The following FAM76A variants were observed in gnomAD, a reference collection of about 807,000 sequenced individuals.
The protein encoded by FAM76A is family with sequence similarity 76 member A.
Under a neutral mutation model 46.2 loss-of-function variants are expected in FAM76A, and 32 were observed. The ratio of observed to expected loss-of-function variants is 0.69; its 90% CI spans 0.52 to 0.93. The LOEUF (loss-of-function observed/expected upper bound fraction) is 0.93, where lower values mean the gene tolerates loss of function less well. FAM76A is among the 40% of genes least tolerant of loss of function. FAM76A has a pLI of 0.00. For missense variants in FAM76A, 274 were observed against 361.5 expected (o/e 0.76, Z 1.96); for synonymous variants, 137 against 127.0 (o/e 1.08, Z -0.53).
intron 4 of FAM76A, among the ~76,000 whole-genome samples, chr1:27,738,740 CAT>C (rs948181125): frequency 6.6e-6 from 1 of 152,060 alleles, no homozygotes; most frequent in Non-Finnish European, 1.5e-5. Context: ...AATAAATTAA[CAT>C]AAATTTTAGA....
chr1:27,727,596 T>A, intron 2 of FAM76A, 60 bp downstream of exon 2: 1 of 1,256,394 alleles, frequency 8.0e-7, no homozygotes, highest in South Asian at 1.2e-5. Context: ...AAATCTGTAA[T>A]TGATTGCATT....
intron 2 of FAM76A, chr1:27,730,250 G>A (rs554864332): frequency 1.5e-4 from 29 of 198,452 alleles, no homozygotes; most frequent in Admixed American, 6.6e-4. Context: ...GCAATGGCAC[G>A]ATCTCGGCTC....
At chr1:27,758,165 C>T (rs1260925933) in intron 7 of FAM76A, among the ~76,000 whole-genome samples, 1 of 152,168 alleles carries the variant, frequency 6.6e-6, no homozygotes, top group East Asian at 1.9e-4. Flanking sequence ...TACTTGCATT[C>T]ATCTAATTTC....
chr1:27,748,275 G>A (rs756612126), intron 5 of FAM76A, among the ~76,000 whole-genome samples: 5 of 151,166 alleles, frequency 3.3e-5, no homozygotes, highest in South Asian at 2.1e-4. Context: ...ACAGGTGCCC[G>A]CTACCACACC....
intron 7 of FAM76A, among the ~76,000 whole-genome samples, chr1:27,758,580 T>G (rs905990065): frequency 1.1e-4 from 17 of 152,030 alleles, no homozygotes; most frequent in African/African-American, 4.1e-4. Flanking sequence ...CAGCTCACTG[T>G]AAACTCAACC....
At chr1:27,747,752 C>T (rs771089563) in intron 5 of FAM76A, among the ~76,000 whole-genome samples, 2 of 151,796 alleles carry the variant, frequency 1.3e-5, no homozygotes, top group Non-Finnish European at 2.9e-5. Context: ...CCCGTCTCTA[C>T]CAAAAAATAC....
intron 6 of FAM76A, among the ~76,000 whole-genome samples, chr1:27,751,593 C>T (rs1202973125): frequency 6.6e-6 from 1 of 151,700 alleles, no homozygotes; most frequent in African/African-American, 2.4e-5. Context: ...CAGCCTCGAC[C>T]TCCTGGGCTC....
In FAM76A at chr1:27,749,148, GA is replaced by G; in HGVS notation, c.594del (p.Asp199ThrfsTer23). On this transcript the variant is annotated frameshift_variant, in exon 6 of 9. Transcript: ENST00000373954. LOFTEE classifies it high-confidence loss of function. ...KSKFESITTN[G>X]DSFSPDLALD... ...AAGTTTGAGTCAATCACAACTAATG[GA>G]GACAGGTGAGCCAGTTGGAGTATGT... 1 of 1,598,124 alleles carries G rather than the reference GA, an allele frequency of 6.3e-7. No individual in the cohort carries two copies. The highest frequency in any genetic ancestry group is 2.2e-5 in the East Asian group (1 of 44,484).
chr1:27,747,762 C>G (rs887022962), intron 5 of FAM76A, among the ~76,000 whole-genome samples: 32 of 151,866 alleles, frequency 2.1e-4, no homozygotes, highest in African/African-American at 7.7e-4. Context: ...CCAAAAAATA[C>G]AAAATTAACT....
At chr1:27,731,781 A>G (rs2148566206) in intron 2 of FAM76A, among the ~76,000 whole-genome samples, 1 of 151,922 alleles carries the variant, frequency 6.6e-6, no homozygotes, top group South Asian at 2.1e-4. Context: ...ATACTTGGGG[A>G]TGTCATAATC....
chr1:27,744,599 T>C (rs1172024874), intron 4 of FAM76A, 55 bp from the exon 5 acceptor site: 1 of 1,590,594 alleles, frequency 6.3e-7, no homozygotes, highest in African/African-American at 1.3e-5. Context: ...AATACCACGT[T>C]TGCAGCCACT....
At chr1:27,759,969 C>G in intron 8 of FAM76A, 1 of 459,310 alleles carries the variant, frequency 2.2e-6, no homozygotes, top group Non-Finnish European at 4.4e-6. Flanking sequence ...GATGGGCTCT[C>G]GCTATATTGC....
At position 27,762,716 on chromosome 1, in the gene FAM76A, TTTGCATTGACTA is replaced by T. The variant is rs1557792464; in HGVS notation, c.*2137_*2148del. On this transcript the variant is annotated 3_prime_UTR_variant, in exon 9 of 9. Coordinates refer to ENST00000373954, the MANE Select transcript of FAM76A (RefSeq NM_152660.3). ...ACTGTCATAATATTTTTCAGATGCA[TTTGCATTGACTA>T]TGGGAGAAAAATTAGGGGGAAATGA... is the stretch of plus-strand genomic sequence containing the variant. 6.6e-6 allele frequency: 1 copy of T among 152,146 alleles called. No individual in the cohort carries two copies. Among genetic ancestry groups the T allele is most frequent in the East Asian group, 1.9e-4 (1 of 5,186 alleles). 9.4% of individuals were successfully genotyped at this position (152,146 alleles called of 1,614,324 possible).
At chr1:27,730,817 G>GT (rs552258337) in intron 2 of FAM76A, among the ~76,000 whole-genome samples, 1 of 152,106 alleles carries the variant, frequency 6.6e-6, no homozygotes, top group South Asian at 2.1e-4. Flanking sequence ...GAATAGACTA[G>GT]TTTTTTGTGT....
rs2088521426 is a variant in FAM76A at position 27,762,221 on chromosome 1, G to A, written c.*1640G>A. ...TCCCTTCTTAACCCTGTAGGAATATGGATTTACTTTTCCAGGAAAGGGGAT... is the reference window on the plus strand; with the variant it reads ...TCCCTTCTTAACCCTGTAGGAATATAGATTTACTTTTCCAGGAAAGGGGAT... On this transcript the variant is annotated 3_prime_UTR_variant, in exon 9 of 9. Coordinates refer to ENST00000373954, the MANE Select transcript of FAM76A (RefSeq NM_152660.3). 1 of 152,076 alleles carries A rather than the reference G, an allele frequency of 6.6e-6. No individual in the cohort carries two copies. Among genetic ancestry groups the A allele is most frequent in the Non-Finnish European group, 1.5e-5 (1 of 68,016 alleles). 9.4% of individuals were successfully genotyped at this position (152,076 alleles called of 1,614,324 possible).
At chr1:27,726,293 C>A in intron 1 of FAM76A, 132 bp downstream of exon 1, 1 of 794,142 alleles carries the variant, frequency 1.3e-6, no homozygotes, top group Non-Finnish European at 1.7e-6. Context: ...AGGAGCCGCA[C>A]CCACCCCGCT....
chr1:27,742,994 T>G (rs1441205524), intron 4 of FAM76A, among the ~76,000 whole-genome samples: 1 of 152,040 alleles, frequency 6.6e-6, no homozygotes, highest in African/African-American at 2.4e-5. Context: ...ACCCAGGAGA[T>G]GGAGGTTGCA....
At chr1:27,760,421 C>T in intron 8 of FAM76A, 74 bp from the exon 9 acceptor site, 2 of 1,228,882 alleles carry the variant, frequency 1.6e-6, no homozygotes, top group Admixed American at 2.1e-5. Flanking sequence ...TTAGCATCTG[C>T]ACTTACTCTG....
At chr1:27,729,194 G>T (rs2087913924) in intron 2 of FAM76A, among the ~76,000 whole-genome samples, 1 of 151,594 alleles carries the variant, frequency 6.6e-6, no homozygotes, top group African/African-American at 2.4e-5. Context: ...TCTTCTCCAA[G>T]ATTTTATCAT....
Sources: allele counts gnomAD v4.1 joint callset (sites outside exome capture counted in the v4.1 genomes callset), GRCh38; gene constraint gnomAD v4.1.1; transcripts MANE v1.5; gene names NCBI Gene and HGNC (gene_info 2026-07-23, HGNC 2026-07-21).